CEP83: variants seen among roughly 807,000 people sequenced by gnomAD.
The protein encoded by CEP83 is centrosomal protein of 83 kDa.
In CEP83, 70 loss-of-function variants were observed where a neutral mutation model predicts 101.9. The ratio of observed to expected loss-of-function variants is 0.69; its 90% CI spans 0.57 to 0.84. The LOEUF (loss-of-function observed/expected upper bound fraction) is 0.84, where lower values mean the gene tolerates loss of function less well. Ranked by LOEUF, CEP83 falls within the 40% of genes least tolerant of loss-of-function variation. CEP83 has a pLI of 0.00. For synonymous variants in CEP83, 264 were observed against 267.9 expected (o/e 0.99, Z 0.14); for missense variants, 715 against 787.2 (o/e 0.91, Z 1.10).
chr12:94,347,068 T>TATATAC (rs561705061), intron 11 of CEP83, among the ~76,000 whole-genome samples: 4,636 of 147,420 alleles, frequency 0.031, 218 homozygotes, highest in African/African-American at 0.1. Context: ...TATATATATA[T>TATATAC]ACACATACAC....
downstream of CEP83, among the ~76,000 whole-genome samples, chr12:94,303,046 C>T (rs1593020287): frequency 6.6e-6 from 1 of 152,172 alleles, no homozygotes; most frequent in Non-Finnish European, 1.5e-5. Flanking sequence ...CATTAACTTA[C>T]CTATCTTCCC....
the CEP83 span, among the ~76,000 whole-genome samples, chr12:94,271,637 A>G: frequency 0.075 from 11,355 of 152,308 alleles, 913 homozygotes; most frequent in African/African-American, 0.2. Flanking sequence ...TTCTGTAAAC[A>G]GGCAATGACC....
At chr12:94,323,158 G>A (rs2058821029) in intron 14 of CEP83, among the ~76,000 whole-genome samples, 1 of 152,184 alleles carries the variant, frequency 6.6e-6, no homozygotes, top group Admixed American at 6.5e-5. Flanking sequence ...CCTGCAGACT[G>A]TCACTGCTCT....
Position 94,421,576 on chromosome 12 carries a change from T to C in CEP83, c.-101-8985A>G, listed in dbSNP as rs75281675. 5.1e-3 allele frequency among the ~76,000 whole-genome samples: 778 copies of C among 152,318 alleles called. 7 individuals carry two copies. The highest frequency in any genetic ancestry group is 0.018 in the African/African-American group (749 of 41,566). ...TCTCCTTTATTCATGTGCTTGTTTA[T>C]AGTCCTTTAAGTAAAATTTACACAT... On this transcript the variant is annotated intron_variant, in intron 2 of 16. Transcript: ENST00000397809.
chr12:94,368,288 T>C (rs770504245), intron 9 of CEP83, 87 bp from the exon 10 acceptor site: 6 of 957,130 alleles, frequency 6.3e-6, no homozygotes, highest in Non-Finnish European at 7.7e-6. Flanking sequence ...CATAAGCTGG[T>C]AAGACAAATG....
chr12:94,413,890 A>C (rs1180718497), intron 2 of CEP83, among the ~76,000 whole-genome samples: 1 of 151,564 alleles, frequency 6.6e-6, no homozygotes, highest in Non-Finnish European at 1.5e-5. Context: ...TTTTCCTGAT[A>C]GAATCTTCCT....
At chr12:94,305,296 G>A (rs768221105), downstream of CEP83, 179 of 1,555,908 alleles carry the variant, frequency 1.2e-4, 1 homozygote, top group Admixed American at 1.5e-4. Flanking sequence ...GCACTCTGGG[G>A]CCTGGCTTAA....
the CEP83 span, among the ~76,000 whole-genome samples, chr12:94,291,764 C>T: frequency 2.1e-4 from 32 of 152,178 alleles, no homozygotes; most frequent in Admixed American, 2.0e-3. Context: ...TTGGACATTT[C>T]GTATATTCTT....
downstream of CEP83, chr12:94,307,252 T>G (rs1214915737): frequency 6.6e-6 from 1 of 150,492 alleles, no homozygotes; most frequent in Non-Finnish European, 1.5e-5. Flanking sequence ...GTATAATATT[T>G]CTAAGCTACC....
At chr12:94,296,742 C>T in the CEP83 span, among the ~76,000 whole-genome samples, 1 of 152,214 alleles carries the variant, frequency 6.6e-6, no homozygotes, top group Admixed American at 6.5e-5. Context: ...AATTCTTTAG[C>T]ATATAATTCT....
intron 2 of CEP83, among the ~76,000 whole-genome samples, chr12:94,416,965 C>T (rs577195907): frequency 6.6e-6 from 1 of 152,066 alleles, no homozygotes; most frequent in Admixed American, 6.5e-5. Context: ...TAACAAAGAC[C>T]CCTCCCGCAA....
intron 11 of CEP83, among the ~76,000 whole-genome samples, chr12:94,351,749 C>T (rs972198996): frequency 6.6e-6 from 1 of 152,146 alleles, no homozygotes; most frequent in African/African-American, 2.4e-5. Context: ...CAATGATGGG[C>T]CCATATGGCA....
intron 6 of CEP83, among the ~76,000 whole-genome samples, chr12:94,395,321 AC>A (rs2062817332): frequency 6.6e-6 from 1 of 151,880 alleles, no homozygotes; most frequent in African/African-American, 2.4e-5. Flanking sequence ...GTACCCTAGA[AC>A]TTAAAGTATA....
chr12:94,314,802 G>A (rs962338117), intron 14 of CEP83, among the ~76,000 whole-genome samples: 1 of 152,168 alleles, frequency 6.6e-6, no homozygotes, highest in African/African-American at 2.4e-5. Context: ...TGAATTTATA[G>A]GCAGTTAAGG....
chr12:94,372,122 C>A (rs1406558867), intron 8 of CEP83, among the ~76,000 whole-genome samples: 3 of 152,078 alleles, frequency 2.0e-5, no homozygotes, highest in Admixed American at 6.5e-5. Flanking sequence ...TACAGGCATG[C>A]ACCACCACAC....
downstream of CEP83, chr12:94,303,685 T>G: frequency 7.8e-7 from 1 of 1,274,678 alleles, no homozygotes; most frequent in South Asian, 1.6e-5. Flanking sequence ...TATTATAAAT[T>G]CCTCCATCTT....
intron 1 of CEP83, among the ~76,000 whole-genome samples, chr12:94,441,596 A>G (rs2066400265): frequency 6.6e-6 from 1 of 152,218 alleles, no homozygotes. Context: ...CAACCACTAT[A>G]GAAAACAGTG....
intron 2 of CEP83, among the ~76,000 whole-genome samples, chr12:94,419,347 C>T (rs1463997915): frequency 1.3e-5 from 2 of 151,870 alleles, no homozygotes; most frequent in Non-Finnish European, 2.9e-5. Flanking sequence ...TGGCTAGCTA[C>T]TGAAACAAAC....
chr12:94,368,788 G>A (rs969449103), intron 9 of CEP83: 3 of 152,222 alleles, frequency 2.0e-5, no homozygotes, highest in Non-Finnish European at 4.4e-5. Context: ...CATTCTTTAA[G>A]TTCCTAAAAA....
Sources: gnomAD v4.1 joint callset for allele counts (sites outside exome capture counted in the v4.1 genomes callset) on GRCh38, gnomAD v4.1.1 for gene constraint, MANE v1.5 for transcripts, NCBI Gene and HGNC (gene_info 2026-07-23, HGNC 2026-07-21) for gene names.